PDE3A: variants seen among roughly 807,000 people sequenced by gnomAD.
PDE3A encodes phosphodiesterase 3A.
A neutral mutation model predicts 98.3 loss-of-function variants in PDE3A; 43 were observed. The ratio of observed to expected loss-of-function variants is 0.44; its 90% confidence interval spans 0.34 to 0.56. The LOEUF (loss-of-function observed/expected upper bound fraction) is 0.56. Ranked by LOEUF, PDE3A falls within the 20% of genes least tolerant of loss-of-function variation. PDE3A has a pLI of 0.01. For missense variants in PDE3A, 1,427 were observed against 1,440.7 expected, an observed-to-expected ratio of 0.99 and a Z score of 0.15; for synonymous variants, 663 against 567.9, an observed-to-expected ratio of 1.17 and a Z score of -2.38.
At chr12:20,627,007 G>T (rs545870640) in intron 5 of PDE3A, among the ~76,000 whole-genome samples, 1 of 152,202 alleles carries the variant, frequency 6.6e-6, no homozygotes, top group East Asian at 1.9e-4. Context: ...TGAATTGCAT[G>T]TATCTGAAGC....
chr12:20,389,340 C>A (rs2120598238), intron 1 of PDE3A, among the ~76,000 whole-genome samples: 1 of 151,906 alleles, frequency 6.6e-6, no homozygotes, highest in Non-Finnish European at 1.5e-5. Flanking sequence ...TAGAGGTTAT[C>A]CACTGAGGAG....
chr12:20,622,260 G>T (rs1312235268), intron 5 of PDE3A, among the ~76,000 whole-genome samples: 1 of 151,988 alleles, frequency 6.6e-6, no homozygotes, highest in Admixed American at 6.6e-5. Flanking sequence ...AGCTCTGCTG[G>T]CTTGCCTCCC....
intron 5 of PDE3A, among the ~76,000 whole-genome samples, chr12:20,629,403 A>C (rs888931094): frequency 6.6e-6 from 1 of 152,230 alleles, no homozygotes; most frequent in East Asian, 1.9e-4. Flanking sequence ...ATGGTTAAGA[A>C]GGTTAATTTC....
chr12:20,627,414 CTT>C (rs66709631), intron 5 of PDE3A, among the ~76,000 whole-genome samples: 33,920 of 151,800 alleles, frequency 0.22, 3,905 homozygotes, highest in East Asian at 0.38. Flanking sequence ...CCCTGCCCCT[CTT>C]TTTGCTTTTT....
Position 20,552,189 on chromosome 12 carries a change from A to T in PDE3A, c.961-4471A>T, listed in dbSNP as rs1177372512. ...GCTTTGCTCCCATCAATGACCAAGA[A>T]GGGGCCGAGGCCAAGGACTGGCGGT... On this transcript the variant is annotated intron_variant, in intron 1 of 15. Coordinates refer to ENST00000359062, the MANE Select transcript of PDE3A (RefSeq NM_000921.5). The surrounding 1 kb of genome is among the most constrained non-coding windows in gnomAD (Gnocchi z 5.1). 1 of 1,613,706 alleles carries T rather than the reference A, an allele frequency of 6.2e-7. No homozygotes were observed. Among genetic ancestry groups the T allele is most frequent in the Non-Finnish European group, 8.5e-7 (1 of 1,179,892 alleles).
At chr12:20,619,393 A>G (rs1944081582) in intron 4 of PDE3A, among the ~76,000 whole-genome samples, 1 of 152,110 alleles carries the variant, frequency 6.6e-6, no homozygotes, top group Admixed American at 6.6e-5. Flanking sequence ...CTGATATATT[A>G]AAACATTCAG....
chr12:20,609,600 T>A (rs1287298480), intron 2 of PDE3A, among the ~76,000 whole-genome samples: 9 of 151,896 alleles, frequency 5.9e-5, no homozygotes, highest in African/African-American at 9.7e-5. Flanking sequence ...GCCAAAGCAG[T>A]ACTGAGGGGA....
At chr12:20,541,349 C>T (rs1941905029) in intron 1 of PDE3A, among the ~76,000 whole-genome samples, 2 of 151,896 alleles carry the variant, frequency 1.3e-5, no homozygotes, top group Admixed American at 6.6e-5. Context: ...AACTGATCCT[C>T]TCACCTCAGT....
At chr12:20,433,726 G>C (rs775816050) in intron 1 of PDE3A, among the ~76,000 whole-genome samples, 1 of 152,094 alleles carries the variant, frequency 6.6e-6, no homozygotes, top group African/African-American at 2.4e-5. Flanking sequence ...TGTACTGCTG[G>C]AAGTATAGTT....
chr12:20,407,563 G>A (rs573403630), intron 1 of PDE3A, among the ~76,000 whole-genome samples: 81 of 152,258 alleles, frequency 5.3e-4, no homozygotes, highest in African/African-American at 1.9e-3. Context: ...TTCCCAGAGG[G>A]AGGTTGGTGG....
At chr12:20,408,095 AT>A (rs1477616799) in intron 1 of PDE3A, among the ~76,000 whole-genome samples, 1 of 151,864 alleles carries the variant, frequency 6.6e-6, no homozygotes, top group Non-Finnish European at 1.5e-5. Context: ...TAATTTTTGT[AT>A]TTTTAGTAGA....
At chr12:20,525,824 CA>C (rs1253823939) in intron 1 of PDE3A, among the ~76,000 whole-genome samples, 1 of 152,022 alleles carries the variant, frequency 6.6e-6, no homozygotes, top group African/African-American at 2.4e-5. Context: ...GAAAAGTTGA[CA>C]AAATCAGAAA....
intron 1 of PDE3A, among the ~76,000 whole-genome samples, chr12:20,386,152 TAAATATATATAAATATATAA>T (rs1943788000): frequency 7.2e-5 from 6 of 83,694 alleles, no homozygotes; most frequent in African/African-American, 2.6e-4. Context: ...AATATATATA[TAAATATATATAAATATATAA>T]AAATATATAT....
chr12:20,622,115 G>T (rs1944151216), intron 5 of PDE3A, among the ~76,000 whole-genome samples: 2 of 151,988 alleles, frequency 1.3e-5, no homozygotes, highest in African/African-American at 4.8e-5. Flanking sequence ...TCTGCCTTTA[G>T]CAGTTTAAGA....
intron 1 of PDE3A, among the ~76,000 whole-genome samples, chr12:20,391,943 C>A (rs757065008): frequency 6.6e-6 from 1 of 151,928 alleles, no homozygotes; most frequent in African/African-American, 2.4e-5. Flanking sequence ...TAAGCATCAA[C>A]CCTCAACCTA....
chr12:20,542,601 T>C (rs553775559), intron 1 of PDE3A, among the ~76,000 whole-genome samples: 68 of 152,186 alleles, frequency 4.5e-4, no homozygotes, highest in African/African-American at 1.6e-3. Context: ...TGTATGTTGT[T>C]TAAATGCAAT....
chr12:20,597,965 A>G (rs939770392), intron 2 of PDE3A, among the ~76,000 whole-genome samples: 7 of 146,696 alleles, frequency 4.8e-5, no homozygotes, highest in Non-Finnish European at 1.0e-4. Flanking sequence ...ACAAAATTCT[A>G]TCATACTTAT....
At chr12:20,635,295 A>G (rs1240672766) in intron 8 of PDE3A, among the ~76,000 whole-genome samples, 2 of 152,076 alleles carry the variant, frequency 1.3e-5, no homozygotes, top group East Asian at 1.9e-4. Flanking sequence ...AGCCAGGTGC[A>G]GTGGCTCACG....
chr12:20,373,519 T>C (rs1943516556), intron 1 of PDE3A, among the ~76,000 whole-genome samples: 1 of 152,168 alleles, frequency 6.6e-6, no homozygotes, highest in African/African-American at 2.4e-5. Flanking sequence ...ATTCTCTTTA[T>C]AAATAAAGAA....
Sources: gnomAD v4.1 joint callset for allele counts (sites outside exome capture counted in the v4.1 genomes callset) on GRCh38, gnomAD v4.1.1 for gene constraint, Gnocchi (gnomAD v3.1) non-coding constraint, MANE v1.5 for transcripts, NCBI Gene and HGNC (gene_info 2026-07-23, HGNC 2026-07-21) for gene names.